COL21A1: variants seen among roughly 807,000 people sequenced by gnomAD.
The protein encoded by COL21A1 is collagen type XXI alpha 1 chain, also known as collagen alpha-1(XXI) chain.
A neutral mutation model predicts 137.9 loss-of-function variants in COL21A1; 149 were observed. The observed-to-expected ratio is 1.08, with a 90% confidence interval of 0.95 to 1.24. The LOEUF (loss-of-function observed/expected upper bound fraction) is 1.24. Among genes scored for constraint, COL21A1 ranks in the 50% most tolerant of loss-of-function variants. COL21A1 has a pLI of 0.00. For missense variants in COL21A1, 1,167 were observed against 1,158.4 expected (o/e 1.01, Z -0.11); for synonymous variants, 456 against 391.5 (o/e 1.16, Z -1.95).
At chr6:56,280,642 A>T (rs986435719) in intron 1 of COL21A1, among the ~76,000 whole-genome samples, 7 of 152,234 alleles carry the variant, frequency 4.6e-5, no homozygotes, top group Non-Finnish European at 8.8e-5. Context: ...CCAGGAATGT[A>T]GCACACAATC....
At chr6:56,188,817 C>T (rs1478202502) in intron 1 of COL21A1, among the ~76,000 whole-genome samples, 2 of 152,212 alleles carry the variant, frequency 1.3e-5, no homozygotes, top group Non-Finnish European at 2.9e-5. Flanking sequence ...TCTGCAGACT[C>T]CACTGGTGAT....
At chr6:56,327,536 G>C (rs1311661455) in intron 1 of COL21A1, among the ~76,000 whole-genome samples, 3 of 151,870 alleles carry the variant, frequency 2.0e-5, no homozygotes, top group Admixed American at 1.3e-4. Flanking sequence ...TGTGGTGTAG[G>C]GGAACATGAA....
chr6:56,121,279 C>G (rs112738866), intron 16 of COL21A1, among the ~76,000 whole-genome samples: 3 of 151,482 alleles, frequency 2.0e-5, no homozygotes, highest in African/African-American at 7.3e-5. Flanking sequence ...AGCAAGAAGC[C>G]AATCTGAAAA....
At chr6:56,144,691 C>G (rs910346588) in intron 10 of COL21A1, among the ~76,000 whole-genome samples, 10 of 152,256 alleles carry the variant, frequency 6.6e-5, no homozygotes, top group Admixed American at 5.2e-4. Context: ...CAGATTAAAA[C>G]AACTTGGAGA....
At chr6:56,166,428 A>T (rs1050609188) in intron 7 of COL21A1, among the ~76,000 whole-genome samples, 1 of 152,056 alleles carries the variant, frequency 6.6e-6, no homozygotes, top group South Asian at 2.1e-4. Flanking sequence ...TAGGCCGGCG[A>T]ATCACCTGCG....
chr6:56,064,788 AAAG>A (rs1237395750), intron 23 of COL21A1, among the ~76,000 whole-genome samples, 166 bp from the exon 24 acceptor site: 13 of 152,068 alleles, frequency 8.5e-5, no homozygotes, highest in African/African-American at 2.7e-4. Context: ...ACTCAGCGAA[AAAG>A]AAGAAGAAAA....
At position 56,124,060 on chromosome 6, in the gene COL21A1, AC is replaced by A; in HGVS notation, c.1758+1del. On this transcript the variant is annotated splice_donor_variant, in intron 16 of 29. Coordinates refer to ENST00000244728, the MANE Select transcript of COL21A1 (RefSeq NM_030820.4). LOFTEE classifies it high-confidence loss of function. Reference sequence around the variant, plus strand: ...TGTCCTTTTTTTTTTTTTTATAAATACCTTGAAACCGGGACTACCCATTAAT... The same window carrying A: ...TGTCCTTTTTTTTTTTTTTATAAATACTTGAAACCGGGACTACCCATTAAT... 6.7e-7 allele frequency: 1 copy of A among 1,492,750 alleles called. No individual in the cohort carries two copies. The highest frequency in any genetic ancestry group is 2.5e-5 in the East Asian group (1 of 39,690). The allele number at this position is 1,492,750 out of a possible 1,614,324, so 92.5% of individuals were successfully genotyped here. A position where few individuals can be genotyped will look rare whatever the true frequency, so the allele number is the denominator to read the frequency against.
chr6:56,323,087 G>A (rs925672882), intron 1 of COL21A1, among the ~76,000 whole-genome samples: 6 of 151,994 alleles, frequency 3.9e-5, no homozygotes, highest in South Asian at 2.1e-4. Flanking sequence ...CACTATTTGC[G>A]TGATAGTTAC....
At chr6:56,060,446 C>A in intron 27 of COL21A1, 1 of 504,870 alleles carries the variant, frequency 2.0e-6, no homozygotes, top group Non-Finnish European at 3.4e-6. Flanking sequence ...GTGAAAGTGC[C>A]CCCAAAAGAA....
chr6:56,352,540 GAAA>G (rs5876505), intron 1 of COL21A1, among the ~76,000 whole-genome samples: 1 of 146,816 alleles, frequency 6.8e-6, no homozygotes, highest in Non-Finnish European at 1.5e-5. Flanking sequence ...TGCAACTAAG[GAAA>G]AAAAAAAGAA....
Position 56,098,578 on chromosome 6 carries a change from TATATATAA to T in COL21A1, c.1812+2886_1812+2893del, listed in dbSNP as rs1770000046. 1.5e-4 allele frequency among the ~76,000 whole-genome samples: 3 copies of T among 19,564 alleles called. 1 individual carries two copies. Among genetic ancestry groups the T allele is most frequent in the Non-Finnish European group, 2.5e-4 (3 of 11,940 alleles). 12.8% of individuals were successfully genotyped at this position (19,564 alleles called of 152,430 possible). A position where few individuals can be genotyped will look rare whatever the true frequency, so the allele number is the denominator to read the frequency against. The stretch of plus-strand genomic sequence containing the variant: ...ATATAAATATATAAATATATATAAA[TATATATAA>T]ATATATAAATATATATATAAATATA... On this transcript the variant is annotated intron_variant, in intron 17 of 29. Transcript: ENST00000244728.
chr6:56,162,945 A>G (rs2152266109), intron 9 of COL21A1, among the ~76,000 whole-genome samples: 1 of 152,332 alleles, frequency 6.6e-6, no homozygotes, highest in African/African-American at 2.4e-5. Flanking sequence ...TCACAATAAT[A>G]CACTGATTAT....
At chr6:56,151,936 G>A (rs962923166) in intron 10 of COL21A1, among the ~76,000 whole-genome samples, 1 of 152,126 alleles carries the variant, frequency 6.6e-6, no homozygotes, top group African/African-American at 2.4e-5. Flanking sequence ...GGGGAAGTAG[G>A]GAGACACTGC....
chr6:56,150,564 A>C (rs1349152767), intron 10 of COL21A1, among the ~76,000 whole-genome samples: 1 of 122,582 alleles, frequency 8.2e-6, no homozygotes, highest in East Asian at 2.2e-4. Flanking sequence ...ACACACACAC[A>C]CAAGAGTGGG....
chr6:56,103,754 T>A (rs1456021768), intron 16 of COL21A1, among the ~76,000 whole-genome samples: 1 of 152,208 alleles, frequency 6.6e-6, no homozygotes, highest in South Asian at 2.1e-4. Flanking sequence ...TTCTTTATTA[T>A]CTATAGCAGT....
intron 1 of COL21A1, among the ~76,000 whole-genome samples, chr6:56,360,532 T>C (rs1433546889): frequency 2.0e-5 from 3 of 152,104 alleles, no homozygotes; most frequent in African/African-American, 7.2e-5. Flanking sequence ...AATAATGCAA[T>C]AGCAACAGGT....
intron 17 of COL21A1, among the ~76,000 whole-genome samples, chr6:56,083,867 A>G (rs1767996831): frequency 6.6e-6 from 1 of 152,036 alleles, no homozygotes; most frequent in Admixed American, 6.6e-5. Context: ...GGTTTGTCTC[A>G]GCATGCAAGA....
chr6:56,170,744 C>A lies in COL21A1; in HGVS notation c.931G>T (p.Val311Phe). The A allele has an allele frequency of 6.2e-7, 1 of 1,608,364 alleles. No homozygotes were observed. Among genetic ancestry groups the A allele is most frequent in the Non-Finnish European group, 8.5e-7 (1 of 1,176,576 alleles). ...ATTTTGTCCACACCATTTAAGGTAA[C>A]TGCTATTTGTGGCCTTCCATCAATA... ...LTIDGRPQIA[V>F]TLNGVDKILL... The change falls in exon 5 of 30, where the codon GTT (valine) becomes TTT (phenylalanine). Residue 311 changes from valine to phenylalanine, a missense_variant. By Grantham distance (50) the Val-to-Phe change is conservative. Coordinates refer to ENST00000244728, the MANE Select transcript of COL21A1 (RefSeq NM_030820.4).
intron 1 of COL21A1, among the ~76,000 whole-genome samples, chr6:56,252,610 A>G (rs1351430542): frequency 1.3e-5 from 2 of 152,198 alleles, no homozygotes; most frequent in African/African-American, 4.8e-5. Context: ...TAAATATGCT[A>G]CATTTTCCTT....
Sources: allele counts gnomAD v4.1 joint callset (sites outside exome capture counted in the v4.1 genomes callset), GRCh38; gene constraint gnomAD v4.1.1; transcripts MANE v1.5; gene names NCBI Gene and HGNC (gene_info 2026-07-23, HGNC 2026-07-21).